Variants in AP2B1 observed in about 807,000 individuals in gnomAD.
The protein encoded by AP2B1 is adaptor related protein complex 2 subunit beta 1.
A neutral mutation model predicts 102.0 loss-of-function variants in AP2B1; 23 were observed. That is an observed-to-expected ratio of 0.23 (90% CI 0.16 to 0.32). The LOEUF is 0.32. Ranked by LOEUF, AP2B1 falls within the 10% of genes least tolerant of loss-of-function variation. AP2B1 has a pLI of 1.00. For synonymous variants in AP2B1, 381 were observed against 421.2 expected, an observed-to-expected ratio of 0.90 and a Z score of 1.17; for missense variants, 541 against 1,157.4, an observed-to-expected ratio of 0.47 and a Z score of 7.73.
intron 3 of AP2B1, among the ~76,000 whole-genome samples, chr17:35,601,391 G>T (rs1392320035): frequency 1.3e-5 from 2 of 152,068 alleles, no homozygotes; most frequent in African/African-American, 2.4e-5. Flanking sequence ...GTGCAGTGGC[G>T]CAATCTCGGC....
At chr17:35,713,737 G>A (rs587659271) in intron 20 of AP2B1, 3 of 152,316 alleles carry the variant, frequency 2.0e-5, no homozygotes, top group African/African-American at 7.2e-5. Flanking sequence ...TCTTTCTAGA[G>A]AATAAAGAAA....
intron 9 of AP2B1, among the ~76,000 whole-genome samples, chr17:35,630,050 C>T (rs995844264): frequency 2.6e-5 from 4 of 152,258 alleles, no homozygotes; most frequent in South Asian, 2.1e-4. Flanking sequence ...CTCAGGAATA[C>T]GAAAACAATT....
intron 18 of AP2B1, among the ~76,000 whole-genome samples, chr17:35,695,056 T>A (rs2076115245): frequency 6.6e-6 from 1 of 152,150 alleles, no homozygotes; most frequent in East Asian, 1.9e-4. Context: ...TGTGTAGCTA[T>A]CATTAAAGGG....
chr17:35,698,136 C>T (rs2076175837), intron 18 of AP2B1, among the ~76,000 whole-genome samples: 1 of 152,056 alleles, frequency 6.6e-6, no homozygotes, highest in African/African-American at 2.4e-5. Context: ...TCTTTACTTG[C>T]TATTAGAAAG....
chr17:35,668,784 A>C (rs1322597317), intron 14 of AP2B1, among the ~76,000 whole-genome samples: 1 of 151,998 alleles, frequency 6.6e-6, no homozygotes, highest in Non-Finnish European at 1.5e-5. Flanking sequence ...ATTCCACCCT[A>C]CCACCTTTTT....
intron 12 of AP2B1, among the ~76,000 whole-genome samples, chr17:35,646,766 C>G (rs2074945599): frequency 6.6e-6 from 1 of 151,490 alleles, no homozygotes; most frequent in East Asian, 1.9e-4. Flanking sequence ...TTTTTGTACC[C>G]TTTGTAGAGA....
chr17:35,604,593 A>G (rs2073603821), intron 3 of AP2B1, among the ~76,000 whole-genome samples: 1 of 151,896 alleles, frequency 6.6e-6, no homozygotes, highest in African/African-American at 2.4e-5. Flanking sequence ...CCCCATCTCT[A>G]CTAAAAATAT....
At chr17:35,599,362 A>G (rs983476568) in intron 3 of AP2B1, among the ~76,000 whole-genome samples, 1 of 152,238 alleles carries the variant, frequency 6.6e-6, no homozygotes, top group Non-Finnish European at 1.5e-5. Context: ...AAAATTGACA[A>G]TGGATACGTT....
At chr17:35,598,588 A>G (rs745619076) in intron 3 of AP2B1, among the ~76,000 whole-genome samples, 5 of 152,186 alleles carry the variant, frequency 3.3e-5, no homozygotes, top group Non-Finnish European at 7.3e-5. Context: ...ATTCAGATCT[A>G]GCATAACACC....
In AP2B1 at chr17:35,671,860, G is replaced by C; in HGVS notation, c.2138G>C (p.Gly713Ala). 6.2e-7 allele frequency: 1 copy of C among 1,614,042 alleles called. No individual in the cohort carries two copies. The highest frequency in any genetic ancestry group is 8.5e-7 in the Non-Finnish European group (1 of 1,180,002). Reference sequence around the variant, plus strand: ...AATGACCTGTTTGAACTCTCCACAGGGATAGGCATGGCACCTGGTGGATAT... The same window carrying C: ...AATGACCTGTTTGAACTCTCCACAGCGATAGGCATGGCACCTGGTGGATAT... ...GLNDLFELST[G>A]IGMAPGGYVA... Residue 713 changes from glycine (G) to alanine (A), a missense_variant, in exon 16 of 22, where the codon GGG (glycine) becomes GCG (alanine). Gly to Ala is a moderately conservative substitution (Grantham distance 60, BLOSUM62 0). Around this residue, in one of 10 missense-constraint regions of AP2B1, gnomAD observed 62 missense variants for 87.6 expected, o/e 0.71. Coordinates refer to ENST00000610402, the MANE Select transcript of AP2B1 (RefSeq NM_001030006.2).
chr17:35,692,620 T>A (rs959231616), intron 18 of AP2B1, among the ~76,000 whole-genome samples: 7 of 152,222 alleles, frequency 4.6e-5, no homozygotes, highest in African/African-American at 1.7e-4. Flanking sequence ...TCATGTTTAC[T>A]CTCTTATATT....
At chr17:35,632,789 AATG>A (rs1283996541) in intron 9 of AP2B1, among the ~76,000 whole-genome samples, 1 of 151,960 alleles carries the variant, frequency 6.6e-6, no homozygotes, top group Admixed American at 6.5e-5. Context: ...TATTCATTTT[AATG>A]ATAATACTAC....
At chr17:35,650,830 T>C (rs1416084217) in intron 13 of AP2B1, 41 bp downstream of exon 13, 1 of 1,598,810 alleles carries the variant, frequency 6.3e-7, no homozygotes, top group South Asian at 1.1e-5. Flanking sequence ...AAATGACTCT[T>C]GTTTAGACAG....
intron 20 of AP2B1, among the ~76,000 whole-genome samples, chr17:35,714,114 A>G (rs1335922564): frequency 6.6e-6 from 1 of 152,236 alleles, no homozygotes; most frequent in Non-Finnish European, 1.5e-5. Flanking sequence ...TCAGAGACTT[A>G]ATGTATCTAT....
At chr17:35,663,275 A>C (rs376014684) in intron 14 of AP2B1, among the ~76,000 whole-genome samples, 1 of 152,208 alleles carries the variant, frequency 6.6e-6, no homozygotes, top group Non-Finnish European at 1.5e-5. Context: ...ACGTTTAGTC[A>C]AGGCTGGCCT....
intron 18 of AP2B1, among the ~76,000 whole-genome samples, chr17:35,683,444 G>A (rs959885799): frequency 2.6e-5 from 4 of 152,122 alleles, no homozygotes; most frequent in Admixed American, 2.0e-4. Flanking sequence ...AGATTTATAT[G>A]GAGGTTATCA....
At chr17:35,635,738 C>T (rs899740314) in intron 9 of AP2B1, among the ~76,000 whole-genome samples, 2 of 152,076 alleles carry the variant, frequency 1.3e-5, no homozygotes, top group Non-Finnish European at 2.9e-5. Flanking sequence ...CTGTTGTTGC[C>T]CAGGCTGGAG....
intron 18 of AP2B1, among the ~76,000 whole-genome samples, chr17:35,705,918 A>G (rs868194162): frequency 6.6e-6 from 1 of 152,072 alleles, no homozygotes; most frequent in Non-Finnish European, 1.5e-5. Flanking sequence ...GCAAATATTA[A>G]CTCATTATCC....
At chr17:35,658,233 T>C (rs1362419607) in intron 14 of AP2B1, among the ~76,000 whole-genome samples, 1 of 151,848 alleles carries the variant, frequency 6.6e-6, no homozygotes, top group Non-Finnish European at 1.5e-5. Context: ...TATTTACTTA[T>C]GCCCTAATTC....
Sources: gnomAD v4.1 joint callset for allele counts (sites outside exome capture counted in the v4.1 genomes callset) on GRCh38, gnomAD v4.1.1 for gene constraint, gnomAD v4.1.1 regional missense constraint, MANE v1.5 for transcripts, NCBI Gene and HGNC (gene_info 2026-07-23, HGNC 2026-07-21) for gene names.